Variants in NUP210L observed in about 807,000 individuals in gnomAD.
NUP210L encodes nucleoporin 210 like.
In NUP210L, 74 loss-of-function variants were observed where a neutral mutation model predicts 208.5. The observed-to-expected ratio is 0.35, with a 90% confidence interval of 0.29 to 0.43. The LOEUF (loss-of-function observed/expected upper bound fraction) is 0.43, where lower values mean the gene tolerates loss of function less well. Among genes scored for constraint, NUP210L ranks in the 20% least tolerant of loss-of-function variants. NUP210L has a pLI of 1.00. For synonymous variants in NUP210L, 780 were observed against 816.9 expected, an observed-to-expected ratio of 0.95 and a Z score of 0.77; for missense variants, 1,843 against 2,289.4, an observed-to-expected ratio of 0.81 and a Z score of 3.98.
intron 25 of NUP210L, 98 bp downstream of exon 25, chr1:154,054,130 G>T: frequency 3.2e-6 from 4 of 1,256,884 alleles, no homozygotes; most frequent in East Asian, 2.4e-5. Flanking sequence ...GCTTTTCCTG[G>T]GCTGCTGACA....
intron 37 of NUP210L, chr1:153,996,106 C>T: frequency 3.4e-6 from 1 of 290,594 alleles, no homozygotes; most frequent in Non-Finnish European, 6.8e-6. Flanking sequence ...TCCTGGCTAA[C>T]ATGGTGAAAC....
chr1:154,043,434 C>T (rs2147966607), intron 27 of NUP210L, among the ~76,000 whole-genome samples: 1 of 152,130 alleles, frequency 6.6e-6, no homozygotes, highest in Admixed American at 6.6e-5. Flanking sequence ...CCTGCCTCAG[C>T]CACCCGCGTA....
chr1:154,150,614 G>A (rs1235692497), intron 2 of NUP210L, among the ~76,000 whole-genome samples: 2 of 151,030 alleles, frequency 1.3e-5, no homozygotes, highest in Non-Finnish European at 2.9e-5. Context: ...TGTAGTCCCA[G>A]CTACTCAGGA....
At chr1:154,053,748 C>A (rs1653656840) in intron 25 of NUP210L, among the ~76,000 whole-genome samples, 1 of 152,166 alleles carries the variant, frequency 6.6e-6, no homozygotes, top group African/African-American at 2.4e-5. Context: ...TTATCACTGG[C>A]TTGCTGTCTA....
At chr1:154,089,439 T>C in exon 16 of NUP210L, 1 of 1,614,186 alleles carries the variant, frequency 6.2e-7, no homozygotes, top group Non-Finnish European at 8.5e-7. Flanking sequence ...TGTTGTGCTG[T>C]GGCAGAGGAC....
At chr1:154,125,295 C>G (rs1321466052) in intron 10 of NUP210L, among the ~76,000 whole-genome samples, 1 of 151,878 alleles carries the variant, frequency 6.6e-6, no homozygotes, top group Non-Finnish European at 1.5e-5. Context: ...ACTAAAAATA[C>G]AAAAATTTGC....
In NUP210L at chr1:154,101,613, A is replaced by ATG. The variant is rs1439491688; in HGVS notation, c.1820-1472_1820-1471dup. Among the ~76,000 whole-genome samples the ATG allele has an allele frequency of 5.3e-5, 8 of 152,228 alleles. No individual in the cohort carries two copies. The East Asian group carries it at 7.7e-4, about 15-fold the overall frequency. ...GTATGTACAGTGGGAATATATATAT[A>ATG]TGAGCAAAGATCATGACCTCAAGCA... On this transcript the variant is annotated intron_variant, in intron 13 of 39. Coordinates refer to ENST00000368559, the Ensembl canonical transcript of NUP210L.
chr1:154,117,179 C>A (rs73012860), intron 12 of NUP210L, among the ~76,000 whole-genome samples: 1 of 152,056 alleles, frequency 6.6e-6, no homozygotes, highest in Non-Finnish European at 1.5e-5. Flanking sequence ...CTGATAATAA[C>A]CTTCGAGGTG....
At chr1:154,017,298 G>C (rs3008665) in intron 33 of NUP210L, among the ~76,000 whole-genome samples, 1 of 99,422 alleles carries the variant, frequency 1.0e-5, no homozygotes, top group Non-Finnish European at 2.6e-5. Flanking sequence ...AAAAAAAAAA[G>C]GGGGGGGCTC....
Position 154,016,309 on chromosome 1 carries a change from T to C in NUP210L, c.4653+2624A>G, listed in dbSNP as rs535018168. ...AAGCCCATAGTAGATACACAAAAAG[T>C]TGTAGCTACCATGTTTGAGGAATGA... On this transcript the variant is annotated intron_variant, in intron 33 of 39. Transcript: ENST00000368559. Among the ~76,000 whole-genome samples the C allele has an allele frequency of 6.6e-5, 10 of 151,748 alleles. No homozygotes were observed. In the East Asian group the frequency reaches 1.9e-3, roughly 29 times the overall value.
At chr1:154,071,104 G>A (rs1448452650) in intron 16 of NUP210L, among the ~76,000 whole-genome samples, 2 of 141,280 alleles carry the variant, frequency 1.4e-5, no homozygotes, top group Admixed American at 7.1e-5. Context: ...TTTGTTTTTT[G>A]TTTTTTTTTT....
chr1:154,064,410 C>A (rs556664947), intron 17 of NUP210L, among the ~76,000 whole-genome samples: 2 of 152,098 alleles, frequency 1.3e-5, no homozygotes, highest in African/African-American at 4.8e-5. Context: ...CTCATCTATG[C>A]CTCGTGCCTC....
chr1:154,051,680 C>A (rs190423245), intron 25 of NUP210L, among the ~76,000 whole-genome samples: 4 of 152,338 alleles, frequency 2.6e-5, no homozygotes, highest in Admixed American at 2.6e-4. Flanking sequence ...AAAACTAATT[C>A]TCTTTGGAAA....
chr1:154,036,965 G>C, intron 27 of NUP210L, among the ~76,000 whole-genome samples: 1 of 151,840 alleles, frequency 6.6e-6, no homozygotes, highest in East Asian at 1.9e-4. Context: ...GTTTTGACAT[G>C]TTGCCCAGGC....
chr1:154,099,016 G>A lies in NUP210L; in HGVS notation c.1965+982C>T, dbSNP rs367912089. Among the ~76,000 whole-genome samples the A allele has an allele frequency of 2.1e-4, 32 of 152,284 alleles. No individual in the cohort carries two copies. In the South Asian group the frequency reaches 4.1e-3, roughly 20 times the overall value. On this transcript the variant is annotated intron_variant, in intron 14 of 39. Transcript: ENST00000368559. ...CTGGCATGTTAAAATTGCCCCAAGC[G>A]TGTGCTCATCTGGCCAGATTGTGAC...
At chr1:154,046,639 T>C (rs1007794867) in intron 25 of NUP210L, among the ~76,000 whole-genome samples, 3 of 152,160 alleles carry the variant, frequency 2.0e-5, no homozygotes, top group Admixed American at 6.5e-5. Flanking sequence ...TGCAACAACA[T>C]GGATGGAACT....
chr1:154,117,988 T>C (rs991633809), intron 11 of NUP210L, 108 bp from the exon 12 acceptor site: 14 of 759,690 alleles, frequency 1.8e-5, no homozygotes, highest in East Asian at 2.7e-5. Flanking sequence ...TAACATAATA[T>C]AATAAATTAT....
chr1:154,029,785 C>T (rs1185999495), intron 28 of NUP210L, 111 bp downstream of exon 28: 10 of 777,546 alleles, frequency 1.3e-5, no homozygotes, highest in South Asian at 1.2e-4. Flanking sequence ...TTCCAGGAAT[C>T]GCTCTAACAA....
At chr1:154,083,070 AT>A (rs1655431924) in intron 16 of NUP210L, among the ~76,000 whole-genome samples, 1 of 152,190 alleles carries the variant, frequency 6.6e-6, no homozygotes, top group Non-Finnish European at 1.5e-5. Flanking sequence ...AAGCAGCAAG[AT>A]TTACTGTGAA....
Sources: allele counts gnomAD v4.1 joint callset (sites outside exome capture counted in the v4.1 genomes callset), GRCh38; gene constraint gnomAD v4.1.1; transcripts MANE v1.5; gene names NCBI Gene and HGNC (gene_info 2026-07-23, HGNC 2026-07-21).